The following SMARCA2 variants were observed in gnomAD, a reference collection of about 807,000 sequenced individuals.
SMARCA2 encodes SWI/SNF related BAF chromatin remodeling complex subunit ATPase 2, also known as SWI/SNF-related matrix-associated actin-dependent regulator of chromatin subfamily A member 2.
A neutral mutation model predicts 199.8 loss-of-function variants in SMARCA2; 61 were observed. That is an observed-to-expected ratio of 0.31 (90% confidence interval 0.25 to 0.38). The LOEUF is 0.38. Ranked by LOEUF, SMARCA2 falls within the 10% of genes least tolerant of loss-of-function variation. SMARCA2 has a pLI of 1.00. For missense variants in SMARCA2, 1,344 were observed against 2,012.2 expected, an observed-to-expected ratio of 0.67 and a Z score of 6.35; for synonymous variants, 935 against 732.0, an observed-to-expected ratio of 1.28 and a Z score of -4.48.
At position 2,029,392 on chromosome 9, in the gene SMARCA2, G is replaced by T. The variant is rs12378503; in HGVS notation, c.225+145G>T. On this transcript the variant is annotated intron_variant, in intron 2 of 33. Transcript: ENST00000349721. ...GTATATCTCATATATTATTAAAAAC[G>T]CATATTGTGAGGTACTTTTATTGCT... 6.6e-5 allele frequency: 79 copies of T among 1,205,290 alleles called. 1 individual carries two copies. The South Asian group carries it at 6.6e-4, about 10-fold the overall frequency. The allele number at this position is 1,205,290 out of a possible 1,614,324, so 74.7% of individuals were successfully genotyped here. A position where few individuals can be genotyped will look rare whatever the true frequency, so the allele number is the denominator to read the frequency against.
intron 27 of SMARCA2, among the ~76,000 whole-genome samples, chr9:2,148,660 C>T (rs981693381): frequency 1.3e-5 from 2 of 151,180 alleles, no homozygotes; most frequent in Admixed American, 6.6e-5. Flanking sequence ...ACGCACATGC[C>T]ACCACACCCA....
chr9:2,019,210 A>G (rs1291072978), intron 1 of SMARCA2, among the ~76,000 whole-genome samples: 5 of 151,916 alleles, frequency 3.3e-5, no homozygotes, highest in Non-Finnish European at 2.9e-5. Flanking sequence ...CCATTTTTGT[A>G]AAGAACATTT....
chr9:2,088,526 A>G lies in SMARCA2; in HGVS notation c.2796A>G (p.Ile932Met). The part of the protein sequence containing the change: ...ERVDLNEEET[I>M]LIIRRLHKVL... ...TGGACTTAAATGAAGAAGAAACTAT[A>G]TTGATCATCAGGCGTCTACATAAGG... The change falls in exon 19 of 34, where the codon ATA (isoleucine) becomes ATG (methionine). Residue 932 changes from isoleucine (I) to methionine (M), a missense_variant. Around this residue, in one of 18 missense-constraint regions of SMARCA2, gnomAD observed 98 missense variants for 245.6 expected, o/e 0.40. Coordinates refer to ENST00000349721, the MANE Select transcript of SMARCA2 (RefSeq NM_003070.5). 6.3e-7 allele frequency: 1 copy of G among 1,586,068 alleles called. No homozygotes were observed. Among genetic ancestry groups the G allele is most frequent in the Non-Finnish European group, 8.5e-7 (1 of 1,173,556 alleles).
In SMARCA2 at chr9:2,119,914, G is replaced by C. The variant is rs568219807; in HGVS notation, c.3762+379G>C. On this transcript the variant is annotated intron_variant, in intron 26 of 33. Coordinates refer to ENST00000349721, the MANE Select transcript of SMARCA2 (RefSeq NM_003070.5). The surrounding 1 kb of genome is among the most constrained non-coding windows in gnomAD (Gnocchi z 4.6). ...TACCATAGACGCCCTCCTGTTCCCAGTTCGTTTCTAATCCCAGGCCAGTGT... is the reference window on the plus strand; with the variant it reads ...TACCATAGACGCCCTCCTGTTCCCACTTCGTTTCTAATCCCAGGCCAGTGT... Among the ~76,000 whole-genome samples, 85 of 152,300 alleles carry C rather than the reference G, an allele frequency of 5.6e-4. 1 individual carries two copies. The South Asian group carries it at 0.017, about 31-fold the overall frequency.
intron 26 of SMARCA2, among the ~76,000 whole-genome samples, chr9:2,121,371 G>T (rs10757185): frequency 0.3 from 44,957 of 152,066 alleles, 10,096 homozygotes; most frequent in African/African-American, 0.62. Flanking sequence ...ATTTTCTGCT[G>T]GTTTCTTAAA....
chr9:2,040,135 A>C (rs1819541257), intron 4 of SMARCA2: 1 of 846,064 alleles, frequency 1.2e-6, no homozygotes, highest in African/African-American at 1.7e-5. Context: ...CTGGAGACCC[A>C]GGGAAAAAGC....
intron 29 of SMARCA2, among the ~76,000 whole-genome samples, chr9:2,176,176 C>G (rs1198732583): frequency 8.4e-6 from 1 of 118,940 alleles, no homozygotes; most frequent in African/African-American, 4.6e-5. Context: ...CCACCGCGCC[C>G]GGCCTGTTTT....
chr9:2,061,713 A>G (rs1820599756), intron 9 of SMARCA2, among the ~76,000 whole-genome samples: 1 of 152,240 alleles, frequency 6.6e-6, no homozygotes, highest in African/African-American at 2.4e-5. Context: ...TGTTTAGGCC[A>G]GGTACAAACA....
chr9:2,098,595 G>A (rs750312767), intron 21 of SMARCA2, among the ~76,000 whole-genome samples: 2 of 152,120 alleles, frequency 1.3e-5, no homozygotes, highest in Non-Finnish European at 2.9e-5. Context: ...AATATCCATA[G>A]ACACAGGGGA....
intron 27 of SMARCA2, among the ~76,000 whole-genome samples, chr9:2,139,318 C>T (rs1038587070): frequency 1.3e-5 from 2 of 152,094 alleles, no homozygotes; most frequent in African/African-American, 4.8e-5. Flanking sequence ...CAAGGATTGT[C>T]TGGTGGGCAG....
At chr9:2,171,982 C>G (rs1826271339) in intron 29 of SMARCA2, among the ~76,000 whole-genome samples, 1 of 152,224 alleles carries the variant, frequency 6.6e-6, no homozygotes, top group African/African-American at 2.4e-5. Flanking sequence ...TAGATAAATT[C>G]ATTTTCACTA....
At chr9:2,185,293 A>G (rs548707714) in intron 31 of SMARCA2, among the ~76,000 whole-genome samples, 1 of 152,194 alleles carries the variant, frequency 6.6e-6, no homozygotes, top group African/African-American at 2.4e-5. Flanking sequence ...TCTTTTTGTG[A>G]CTGGCTTATG....
chr9:2,081,386 C>T (rs1005748919), intron 14 of SMARCA2, among the ~76,000 whole-genome samples: 2 of 152,176 alleles, frequency 1.3e-5, no homozygotes, highest in African/African-American at 4.8e-5. Flanking sequence ...TCCCTGGCTC[C>T]CTGGTCAGTC....
At chr9:2,192,315 G>A in intron 33 of SMARCA2, 1 of 217,864 alleles carries the variant, frequency 4.6e-6, no homozygotes, top group South Asian at 7.2e-5. Context: ...TCTCACCCCA[G>A]CCTTAACCCT....
intron 13 of SMARCA2, 68 bp downstream of exon 13, chr9:2,076,397 G>C (rs1821324884): frequency 3.8e-6 from 4 of 1,063,882 alleles, no homozygotes; most frequent in Non-Finnish European, 5.9e-6. Flanking sequence ...TTTCTTTTAG[G>C]AAATTTTGTT....
chr9:2,163,983 C>T (rs935734771), intron 28 of SMARCA2, among the ~76,000 whole-genome samples: 2 of 150,654 alleles, frequency 1.3e-5, no homozygotes, highest in African/African-American at 4.9e-5. Context: ...TTTTGAAAAA[C>T]CAGAAACTCT....
At chr9:2,041,550 C>A (rs1819602588) in intron 4 of SMARCA2, 1 of 396,600 alleles carries the variant, frequency 2.5e-6, no homozygotes. Flanking sequence ...CCTTCTAATA[C>A]CATCTCCCTG....
In SMARCA2 at chr9:2,115,738, C is replaced by G. The variant is rs1021342447; in HGVS notation, c.3457-84C>G. ...GTGAAGGTGAAATACAGAACCCTTC[C>G]ATATTTCCCTCTGGGGTGGGGTCCG... is the stretch of plus-strand genomic sequence containing the variant. On this transcript the variant is annotated intron_variant, in intron 24 of 33. Transcript: ENST00000349721. The surrounding 1 kb of genome is among the most constrained non-coding windows in gnomAD (Gnocchi z 6.0). 5 of 1,023,096 alleles carry G rather than the reference C, an allele frequency of 4.9e-6. No homozygotes were observed. Among genetic ancestry groups the G allele is most frequent in the Non-Finnish European group, 7.4e-6 (5 of 673,670 alleles). The allele number at this position is 1,023,096 out of a possible 1,614,324, so 63.4% of individuals were successfully genotyped here. A position where few individuals can be genotyped will look rare whatever the true frequency, so the allele number is the denominator to read the frequency against.
In SMARCA2 at chr9:2,016,922, G is replaced by T. The variant is rs1435158297; in HGVS notation, c.-37+1518G>T. On this transcript the variant is annotated intron_variant, in intron 1 of 33. Transcript: ENST00000349721. The surrounding 1 kb of genome is among the most constrained non-coding windows in gnomAD (Gnocchi z 5.6). ...CTTCCCTAAATAACCGGTCCGGCGCGCCAGCCCCTCGGCGCCCTCCGGCCG... is the reference window on the plus strand; with the variant it reads ...CTTCCCTAAATAACCGGTCCGGCGCTCCAGCCCCTCGGCGCCCTCCGGCCG... Among the ~76,000 whole-genome samples the T allele has an allele frequency of 6.6e-6, 1 of 152,090 alleles. No homozygotes were observed. The highest frequency in any genetic ancestry group is 1.5e-5 in the Non-Finnish European group (1 of 68,012).
Sources: gnomAD v4.1 joint callset for allele counts (sites outside exome capture counted in the v4.1 genomes callset) on GRCh38, gnomAD v4.1.1 for gene constraint, gnomAD v4.1.1 regional missense constraint, Gnocchi (gnomAD v3.1) non-coding constraint, MANE v1.5 for transcripts, NCBI Gene and HGNC (gene_info 2026-07-23, HGNC 2026-07-21) for gene names.